Variants in TEX9 observed in about 807,000 individuals in gnomAD.
TEX9 encodes testis expressed 9, also known as testis-expressed protein 9.
TEX9 carries 74 observed loss-of-function variants against 59.6 expected under a neutral mutation model. The ratio of observed to expected loss-of-function variants is 1.24; its 90% CI spans 1.03 to 1.51. The LOEUF (loss-of-function observed/expected upper bound fraction) is 1.51, where lower values mean the gene tolerates loss of function less well. TEX9 is among the 40% of genes most tolerant of loss of function. The pLI, the probability that TEX9 is intolerant of heterozygous loss-of-function variation, is 0.00. For missense variants in TEX9, 522 were observed against 447.8 expected (o/e 1.17, Z -1.49); for synonymous variants, 186 against 152.2 (o/e 1.22, Z -1.64).
intron 12 of TEX9, chr15:56,429,279 A>G (rs2050487034): frequency 3.7e-6 from 3 of 811,922 alleles, no homozygotes; most frequent in Non-Finnish European, 5.9e-6. Context: ...TAAGATTAGT[A>G]AAGTTATCTC....
At chr15:56,421,036 T>A (rs1357453522) in intron 10 of TEX9, among the ~76,000 whole-genome samples, 4 of 151,870 alleles carry the variant, frequency 2.6e-5, no homozygotes, top group African/African-American at 9.7e-5. Flanking sequence ...GGTGGAGTAT[T>A]CTATAAATGT....
intron 1 of TEX9, among the ~76,000 whole-genome samples, chr15:56,350,692 A>G (rs1353639422): frequency 6.6e-6 from 1 of 152,142 alleles, no homozygotes; most frequent in Non-Finnish European, 1.5e-5. Context: ...CATAAATATC[A>G]TACTTTTTTT....
chr15:56,317,502 T>C (rs1235384684), intron 1 of TEX9, among the ~76,000 whole-genome samples: 1 of 152,208 alleles, frequency 6.6e-6, no homozygotes, highest in East Asian at 1.9e-4. Flanking sequence ...TGATTTTCTC[T>C]ATTGTTTTTC....
At chr15:56,315,191 T>C (rs1194873142) in intron 1 of TEX9, among the ~76,000 whole-genome samples, 61 of 144,186 alleles carry the variant, frequency 4.2e-4, no homozygotes, top group South Asian at 2.4e-3. Context: ...GATCCTGTCA[T>C]TATGATGTTA....
chr15:56,349,505 G>C (rs1365213415), intron 1 of TEX9, among the ~76,000 whole-genome samples: 1 of 152,098 alleles, frequency 6.6e-6, no homozygotes. Context: ...GAAAGACTAT[G>C]GGTTTTCTAT....
At chr15:56,277,016 GT>G (rs139302311) in intron 1 of TEX9, among the ~76,000 whole-genome samples, 68,492 of 149,882 alleles carry the variant, frequency 0.46, 16,032 homozygotes, top group Non-Finnish European at 0.53. Flanking sequence ...GGGGTTGTTT[GT>G]TTTTTTTTTC....
chr15:56,412,318 G>C, exon 10 of TEX9: 1 of 1,609,866 alleles, frequency 6.2e-7, no homozygotes, highest in Non-Finnish European at 8.5e-7. Flanking sequence ...GAAAATAAAA[G>C]AAGACTGCAA....
chr15:56,289,485 T>A (rs1341926035), intron 1 of TEX9, among the ~76,000 whole-genome samples: 1 of 152,126 alleles, frequency 6.6e-6, no homozygotes, highest in Non-Finnish European at 1.5e-5. Context: ...TCTGTGTAGC[T>A]CTGTCAGCTG....
Position 56,268,006 on chromosome 15 carries a change from G to A in TEX9, c.-107+23728G>A, listed in dbSNP as rs186439057. On this transcript the variant is annotated intron_variant, in intron 1 of 5. Coordinates refer to the TEX9 transcript ENST00000560827. ...GTTTCCTCTTTTATTTCATTGAGCA[G>A]TGGTTTGTAGTTCTCCTTGAAGAGG... Among the ~76,000 whole-genome samples the A allele has an allele frequency of 1.6e-4, 24 of 152,274 alleles. No individual in the cohort carries two copies. The East Asian group carries it at 4.6e-3, about 29-fold the overall frequency.
chr15:56,438,399 G>C (rs1178418166), intron 12 of TEX9, among the ~76,000 whole-genome samples: 2 of 151,894 alleles, frequency 1.3e-5, no homozygotes, highest in African/African-American at 4.8e-5. Context: ...AGGGAAAGGA[G>C]TCCCTGTTTA....
At chr15:56,315,893 T>C (rs2725846) in intron 1 of TEX9, among the ~76,000 whole-genome samples, 144,406 of 150,172 alleles carry the variant, frequency 0.96, 69,684 homozygotes, top group East Asian at 1. Flanking sequence ...AGCTTCATTT[T>C]ATTCATTTCA....
intron 1 of TEX9, among the ~76,000 whole-genome samples, chr15:56,285,028 C>G (rs2044915969): frequency 6.6e-6 from 1 of 152,000 alleles, no homozygotes; most frequent in Non-Finnish European, 1.5e-5. Context: ...CTTTATTTAT[C>G]TAAGATGTTA....
At chr15:56,297,837 T>C (rs2045253108) in intron 1 of TEX9, among the ~76,000 whole-genome samples, 1 of 152,242 alleles carries the variant, frequency 6.6e-6, no homozygotes, top group Admixed American at 6.5e-5. Context: ...AGACAGCATT[T>C]GGTAATGTCT....
intron 12 of TEX9, among the ~76,000 whole-genome samples, chr15:56,442,680 C>T (rs775277326): frequency 6.6e-6 from 1 of 152,082 alleles, no homozygotes; most frequent in Non-Finnish European, 1.5e-5. Context: ...CAAGTAACAG[C>T]TAAATATTGA....
At chr15:56,327,530 T>C (rs1405840791) in intron 1 of TEX9, among the ~76,000 whole-genome samples, 1 of 152,168 alleles carries the variant, frequency 6.6e-6, no homozygotes, top group East Asian at 1.9e-4. Flanking sequence ...AACACCTTTA[T>C]AAGAACCAAA....
intron 1 of TEX9, among the ~76,000 whole-genome samples, chr15:56,309,163 C>T (rs1380357040): frequency 2.6e-5 from 4 of 152,078 alleles, no homozygotes; most frequent in African/African-American, 2.4e-5. Context: ...AACATTAGGA[C>T]GTTCATTATC....
chr15:56,331,713 A>G (rs1170496820), intron 1 of TEX9, among the ~76,000 whole-genome samples: 1 of 152,172 alleles, frequency 6.6e-6, no homozygotes, highest in Non-Finnish European at 1.5e-5. Flanking sequence ...TTTTAAATAA[A>G]CACCCCAGTA....
intron 9 of TEX9, 48 bp from the exon 10 acceptor site, chr15:56,412,253 GA>G (rs1405290415): frequency 4.1e-5 from 63 of 1,531,310 alleles, no homozygotes; most frequent in Non-Finnish European, 5.5e-5. Context: ...GATAAAGGGG[GA>G]AACTATGATA....
intron 1 of TEX9, among the ~76,000 whole-genome samples, chr15:56,324,621 G>A (rs548466056): frequency 2.0e-4 from 31 of 152,310 alleles, no homozygotes; most frequent in African/African-American, 6.3e-4. Context: ...TGCATGAACG[G>A]ACAAAGTATG....
Sources: gnomAD v4.1 joint callset for allele counts (sites outside exome capture counted in the v4.1 genomes callset) on GRCh38, gnomAD v4.1.1 for gene constraint, MANE v1.5 for transcripts, NCBI Gene and HGNC (gene_info 2026-07-23, HGNC 2026-07-21) for gene names.